The following ZNF524 variants were observed in gnomAD, a reference collection of about 807,000 sequenced individuals.
ZNF524 encodes zinc finger protein 524.
For synonymous variants in ZNF524, 194 were observed against 166.3 expected (o/e 1.17, Z -1.28); for missense variants, 388 against 380.1 (o/e 1.02, Z -0.17).
chr19:55,602,762 C>T lies in ZNF524; in HGVS notation c.650C>T (p.Ala217Val), dbSNP rs1404848070. ...FTEANTLRRH[A>V]KRKHPEAMGV... ...GAGGCCAACACGCTCCGGCGCCATG[C>T]GAAGCGCAAGCACCCGGAGGCCATG... is the stretch of plus-strand genomic sequence containing the variant. Residue 217 changes from alanine (A) to valine (V), a missense_variant, in exon 2 of 2, where the codon GCG becomes GTG. Transcript: ENST00000301073. 6.2e-7 allele frequency: 1 copy of T among 1,609,758 alleles called. No individual in the cohort carries two copies. Among genetic ancestry groups the T allele is most frequent in the African/African-American group, 1.3e-5 (1 of 75,068 alleles).
At position 55,602,783 on chromosome 19, in the gene ZNF524, C is replaced by G. The variant is rs1247366571; in HGVS notation, c.671C>G (p.Ala224Gly). Residue 224 changes from alanine (A) to glycine (G), a missense_variant, in exon 2 of 2, where the codon GCC becomes GGC. Transcript: ENST00000301073. The part of the protein sequence containing the change: ...RRHAKRKHPE[A>G]MGVPLCAPDP... Reference sequence around the variant, plus strand: ...CATGCGAAGCGCAAGCACCCGGAGGCCATGGGGGTACCCCTGTGTGCACCA... The same window carrying G: ...CATGCGAAGCGCAAGCACCCGGAGGGCATGGGGGTACCCCTGTGTGCACCA... 1 of 1,610,910 alleles carries G rather than the reference C, an allele frequency of 6.2e-7. No homozygotes were observed. Among genetic ancestry groups the G allele is most frequent in the Non-Finnish European group, 8.5e-7 (1 of 1,179,816 alleles).
At chr19:55,601,388 T>G (rs1005845054) in intron 1 of ZNF524, 2 of 152,228 alleles carry the variant, frequency 1.3e-5, no homozygotes, top group East Asian at 3.9e-4. Context: ...GTATGAACAC[T>G]TTGTGGGTAT....
Position 55,602,446 on chromosome 19 carries a change from GC to G in ZNF524, c.338del (p.Pro113HisfsTer27). ...AGPEGSGPRK[A>X]PHFCPVCLRA... ...GCCTGAGGGCTCTGGCCCCAGGAAG[GC>G]CCCACACTTCTGCCCGGTGTGCCTG... On this transcript the variant is annotated frameshift_variant, in exon 2 of 2. Transcript: ENST00000301073. LOFTEE classifies it low-confidence loss of function (END_TRUNC). 6.3e-7 allele frequency: 1 copy of G among 1,595,870 alleles called. No individual in the cohort carries two copies.
Position 55,603,072 on chromosome 19 carries a change from C to T in ZNF524, c.*165C>T, listed in dbSNP as rs572677383. On this transcript the variant is annotated 3_prime_UTR_variant, in exon 2 of 2. Coordinates refer to ENST00000301073, the MANE Select transcript of ZNF524 (RefSeq NM_153219.4). Reference sequence around the variant, plus strand: ...AACTTTGGGGTCCAGCTGCCTTCAGCCCCCCTCCCCCAGACTAACAGACCC... The same window carrying T: ...AACTTTGGGGTCCAGCTGCCTTCAGTCCCCCTCCCCCAGACTAACAGACCC... 1.4e-5 allele frequency: 11 copies of T among 767,762 alleles called. No individual in the cohort carries two copies. Among genetic ancestry groups the T allele is most frequent in the Admixed American group, 9.1e-5 (3 of 32,890 alleles). The allele number at this position is 767,762 out of a possible 1,614,324, so 47.6% of individuals were successfully genotyped here. A position where few individuals can be genotyped will look rare whatever the true frequency, so the allele number is the denominator to read the frequency against.
At chr19:55,600,631 G>A (rs1198770829) in intron 1 of ZNF524, 4 of 152,102 alleles carry the variant, frequency 2.6e-5, no homozygotes, top group African/African-American at 7.2e-5. Context: ...CCCGCCCCGC[G>A]CTTGGGCTTC....
In ZNF524 at chr19:55,602,949, A is replaced by G. The variant is rs1181529969; in HGVS notation, c.*42A>G. On this transcript the variant is annotated 3_prime_UTR_variant, in exon 2 of 2. Transcript: ENST00000301073. ...TCGCTCCCTGGGCCAGGTTTAGAGC[A>G]GGGAGTTTGGCTGGTGCTGGGCCTG... 6 of 1,495,564 alleles carry G rather than the reference A, an allele frequency of 4.0e-6. No homozygotes were observed. In the African/African-American group the frequency reaches 8.3e-5, roughly 21 times the overall value. The allele number at this position is 1,495,564 out of a possible 1,614,324, so 92.6% of individuals were successfully genotyped here.
At chr19:55,600,493 A>C (rs1010680396) in intron 1 of ZNF524, 85 bp downstream of exon 1, 22 of 145,424 alleles carry the variant, frequency 1.5e-4, no homozygotes, top group African/African-American at 5.6e-4. Flanking sequence ...GCGCGCCTCC[A>C]ACACCTGTTC....
chr19:55,603,020 T>C lies in ZNF524; in HGVS notation c.*113T>C. The C allele has an allele frequency of 1.5e-6, 2 of 1,305,512 alleles. No homozygotes were observed. Among genetic ancestry groups the C allele is most frequent in the Non-Finnish European group, 2.1e-6 (2 of 967,732 alleles). 80.9% of individuals were successfully genotyped at this position (1,305,512 alleles called of 1,614,324 possible). ...CTTGTTTCCGGTGGTCTTCCCGTTG[T>C]GGGAGCAGGTGGAGGGTGGAGACCT... On this transcript the variant is annotated 3_prime_UTR_variant, in exon 2 of 2. Coordinates refer to ENST00000301073, the MANE Select transcript of ZNF524 (RefSeq NM_153219.4).
rs1980755795 is a variant in ZNF524 at position 55,602,677 on chromosome 19, C to T, written c.565C>T (p.His189Tyr). 1.3e-6 allele frequency: 2 copies of T among 1,598,610 alleles called. No individual in the cohort carries two copies. The highest frequency in any genetic ancestry group is 1.7e-6 in the Non-Finnish European group (2 of 1,178,046). ...FREAGELAHH[H>Y]RVHSGERPYQ... is the part of the protein sequence containing the mutation. ...CGAGGCGGGCGAGCTGGCGCACCAC[C>T]ACCGCGTGCACTCGGGGGAGCGCCC... Residue 189 changes from histidine to tyrosine, a missense_variant, in exon 2 of 2, where the codon CAC (histidine) becomes TAC (tyrosine). By Grantham distance (83) the His-to-Tyr change is moderately conservative (BLOSUM62 2). Coordinates refer to ENST00000301073, the MANE Select transcript of ZNF524 (RefSeq NM_153219.4).
In ZNF524 at chr19:55,602,819, C is replaced by G. The variant is rs1244837996; in HGVS notation, c.707C>G (p.Ser236Cys). Residue 236 changes from serine to cysteine, a missense_variant, in exon 2 of 2, where the codon TCT becomes TGT. Coordinates refer to ENST00000301073, the MANE Select transcript of ZNF524 (RefSeq NM_153219.4). ...GVPLCAPDPG[S>C]EPPWDEEGIP... The stretch of plus-strand genomic sequence containing the variant: ...CCCCTGTGTGCACCAGATCCAGGGT[C>G]TGAACCGCCGTGGGACGAGGAGGGC... 7 of 1,610,698 alleles carry G rather than the reference C, an allele frequency of 4.3e-6. No homozygotes were observed. Among genetic ancestry groups the G allele is most frequent in the Non-Finnish European group, 5.9e-6 (7 of 1,179,486 alleles).
Position 55,602,402 on chromosome 19 carries a change from C to T in ZNF524, c.290C>T (p.Ser97Phe). Reference sequence around the variant, plus strand: ...GATCAGGGTGTGCCCTATACGGTCTCTGAAGGTTCAGCGGCTGGGCCTGAG... The same window carrying T: ...GATCAGGGTGTGCCCTATACGGTCTTTGAAGGTTCAGCGGCTGGGCCTGAG... ...IDDQGVPYTVSEGSAAGPEGS... is the reference protein window; with the variant it reads ...IDDQGVPYTVFEGSAAGPEGS... The change falls in exon 2 of 2, where the codon TCT (serine) becomes TTT (phenylalanine). Residue 97 changes from serine to phenylalanine, a missense_variant. Transcript: ENST00000301073. 1.3e-6 allele frequency: 2 copies of T among 1,584,396 alleles called. No homozygotes were observed. The highest frequency in any genetic ancestry group is 1.7e-6 in the Non-Finnish European group (2 of 1,166,904).
chr19:55,602,059 C>T lies in ZNF524; in HGVS notation c.-38-16C>T, dbSNP rs1980706887. 10 of 1,487,914 alleles carry T rather than the reference C, an allele frequency of 6.7e-6. No individual in the cohort carries two copies. The highest frequency in any genetic ancestry group is 2.3e-5 in the Admixed American group (1 of 43,516). The allele number at this position is 1,487,914 out of a possible 1,614,324, so 92.2% of individuals were successfully genotyped here. On this transcript the variant is annotated splice_polypyrimidine_tract_variant and intron_variant, in intron 1 of 1. Transcript: ENST00000301073. ...TAGACCCTGTGAGCACTGACTCTGC[C>T]CCTCTCTCCTCTTAGCTGGCTCCAG...
chr19:55,601,853 A>C, intron 1 of ZNF524: 1 of 356,178 alleles, frequency 2.8e-6, no homozygotes, highest in Non-Finnish European at 5.0e-6. Flanking sequence ...AGAGTTAGGG[A>C]GGCATAGGGA....
In ZNF524 at chr19:55,602,417, C is replaced by T; in HGVS notation, c.305C>T (p.Ala102Val). The change falls in exon 2 of 2, where the codon GCT (alanine) becomes GTT (valine). Residue 102 changes from alanine (A) to valine (V), a missense_variant. By Grantham distance (64) the Ala-to-Val change is moderately conservative. Coordinates refer to ENST00000301073, the MANE Select transcript of ZNF524 (RefSeq NM_153219.4). ...TATACGGTCTCTGAAGGTTCAGCGG[C>T]TGGGCCTGAGGGCTCTGGCCCCAGG... ...VPYTVSEGSA[A>V]GPEGSGPRKA... 6.3e-7 allele frequency: 1 copy of T among 1,590,492 alleles called. No individual in the cohort carries two copies.
intron 1 of ZNF524, 178 bp from the exon 2 acceptor site, chr19:55,601,897 C>T (rs1252049617): frequency 4.8e-6 from 2 of 419,242 alleles, no homozygotes; most frequent in Non-Finnish European, 8.4e-6. Flanking sequence ...GCCTGTTTAT[C>T]AGCTGATACA....
At chr19:55,599,696 G>A (rs1239238784), upstream of ZNF524, 2 of 152,444 alleles carry the variant, frequency 1.3e-5, no homozygotes, top group Admixed American at 6.5e-5. Context: ...TGAGGGCAGC[G>A]GGAAGGGGCG....
chr19:55,600,385 G>C lies in ZNF524; in HGVS notation c.-62G>C, dbSNP rs1356744417. On this transcript the variant is annotated 5_prime_UTR_variant, in exon 1 of 2. Coordinates refer to ENST00000301073, the MANE Select transcript of ZNF524 (RefSeq NM_153219.4). ...TGCCCCCGCGCGCGCGCACACTCGC[G>C]AGCCCCGGCGACATGCAAATGAGGT... 1 of 146,638 alleles carries C rather than the reference G, an allele frequency of 6.8e-6. No individual in the cohort carries two copies. The highest frequency in any genetic ancestry group is 2.5e-5 in the African/African-American group (1 of 39,748). The allele number at this position is 146,638 out of a possible 1,614,324, so 9.1% of individuals were successfully genotyped here.
Position 55,600,301 on chromosome 19 carries a change from C to T in ZNF524, c.-146C>T, listed in dbSNP as rs977717011. The T allele has an allele frequency of 4.7e-5, 7 of 149,676 alleles. No homozygotes were observed. The highest frequency in any genetic ancestry group is 1.0e-4 in the Non-Finnish European group (7 of 67,156). The allele number at this position is 149,676 out of a possible 1,614,324, so 9.3% of individuals were successfully genotyped here. A position where few individuals can be genotyped will look rare whatever the true frequency, so the allele number is the denominator to read the frequency against. ...GCACCGCGCGCCGCCGCCCCCGCCT[C>T]GCCGCCGCCGAGGGGCAGGGCCCCC... is the stretch of plus-strand genomic sequence containing the variant. On this transcript the variant is annotated 5_prime_UTR_variant, in exon 1 of 2. Coordinates refer to ENST00000301073, the MANE Select transcript of ZNF524 (RefSeq NM_153219.4).
intron 1 of ZNF524, chr19:55,601,102 C>T: frequency 6.6e-6 from 1 of 152,250 alleles, no homozygotes; most frequent in Non-Finnish European, 1.5e-5. Flanking sequence ...TAGTTATAGG[C>T]AGAGCTGAAT....
Sources: gnomAD v4.1 joint callset for allele counts on GRCh38, gnomAD v4.1.1 for gene constraint, MANE v1.5 for transcripts, NCBI Gene and HGNC (gene_info 2026-07-23, HGNC 2026-07-21) for gene names.